The following NDC1 variants were observed in gnomAD, a reference collection of about 807,000 sequenced individuals.
NDC1 encodes the protein NDC1 transmembrane nucleoporin.
In NDC1, 24 loss-of-function variants were observed where a neutral mutation model predicts 89.8. The observed-to-expected ratio is 0.27, with a 90% CI of 0.19 to 0.38. The LOEUF (loss-of-function observed/expected upper bound fraction) is 0.38, where lower values mean the gene tolerates loss of function less well. NDC1 is among the 10% of genes least tolerant of loss of function. The probability of loss-of-function intolerance (pLI) is 1.00; values close to 1 mark genes in which losing one functional copy is unlikely to be tolerated. For synonymous variants in NDC1, 296 were observed against 284.8 expected, an observed-to-expected ratio of 1.04 and a Z score of -0.39; for missense variants, 728 against 797.6, an observed-to-expected ratio of 0.91 and a Z score of 1.05.
At chr1:53,776,932 T>C (rs1647168123) in intron 16 of NDC1, among the ~76,000 whole-genome samples, 2 of 152,198 alleles carry the variant, frequency 1.3e-5, no homozygotes, top group Non-Finnish European at 2.9e-5. Flanking sequence ...TGTTACAAGA[T>C]AGTGAAAATG....
At chr1:53,805,173 CT>C (rs1285384661) in intron 9 of NDC1, among the ~76,000 whole-genome samples, 1 of 152,000 alleles carries the variant, frequency 6.6e-6, no homozygotes, top group Admixed American at 6.6e-5. Context: ...GTTCTAACTA[CT>C]TTCTTTTAGC....
intron 2 of NDC1, among the ~76,000 whole-genome samples, chr1:53,833,384 C>G (rs1649129351): frequency 6.6e-6 from 1 of 152,108 alleles, no homozygotes; most frequent in Non-Finnish European, 1.5e-5. Context: ...AATTCACCCA[C>G]CTCGGCCTCC....
intron 17 of NDC1, chr1:53,771,015 G>A (rs1036207385): frequency 1.3e-5 from 2 of 152,478 alleles, no homozygotes; most frequent in Non-Finnish European, 2.9e-5. Flanking sequence ...TTTTCCCCCA[G>A]GGGAATGTTA....
At chr1:53,810,018 G>A (rs1648249599) in intron 6 of NDC1, among the ~76,000 whole-genome samples, 1 of 152,092 alleles carries the variant, frequency 6.6e-6, no homozygotes, top group Non-Finnish European at 1.5e-5. Flanking sequence ...TAGTTACTGT[G>A]GTATATTAAC....
intron 1 of NDC1, among the ~76,000 whole-genome samples, chr1:53,837,896 T>C (rs1434269541): frequency 6.6e-6 from 1 of 152,176 alleles, no homozygotes; most frequent in Non-Finnish European, 1.5e-5. Context: ...AGTTATTTAT[T>C]TTGCACCTAC....
At chr1:53,772,557 C>A in intron 16 of NDC1, 68 bp from the exon 17 acceptor site, 1 of 1,479,616 alleles carries the variant, frequency 6.8e-7, no homozygotes, top group East Asian at 2.3e-5. Context: ...GGTGCTGTGG[C>A]TCACATGTGT....
In NDC1 at chr1:53,838,292, A is replaced by T; in HGVS notation, c.-31T>A. 1 of 1,514,012 alleles carries T rather than the reference A, an allele frequency of 6.6e-7. No individual in the cohort carries two copies. 93.8% of individuals were successfully genotyped at this position (1,514,012 alleles called of 1,614,324 possible). A position where few individuals can be genotyped will look rare whatever the true frequency, so the allele number is the denominator to read the frequency against. ...TGGCGGCCCCTAGTCTAGGGCGTAC[A>T]GGAGACCGTGCGCCCGCCCGCCACC... On this transcript the variant is annotated 5_prime_UTR_variant, in exon 1 of 18. Transcript: ENST00000371429.
chr1:53,829,248 G>T (rs1648974539), intron 3 of NDC1, among the ~76,000 whole-genome samples: 3 of 152,136 alleles, frequency 2.0e-5, no homozygotes, highest in African/African-American at 7.2e-5. Flanking sequence ...AGTTTCAGGT[G>T]CTTTATACTT....
At chr1:53,817,228 T>A (rs955746669) in intron 6 of NDC1, among the ~76,000 whole-genome samples, 1 of 152,206 alleles carries the variant, frequency 6.6e-6, no homozygotes, top group Non-Finnish European at 1.5e-5. Flanking sequence ...AGCAAAATTG[T>A]GGAACCAACC....
intron 3 of NDC1, among the ~76,000 whole-genome samples, chr1:53,828,997 A>C (rs1484297288): frequency 6.6e-6 from 1 of 152,228 alleles, no homozygotes; most frequent in Non-Finnish European, 1.5e-5. Flanking sequence ...AAAGTAGGTA[A>C]ATACTGACAA....
At chr1:53,793,126 G>T in intron 14 of NDC1, 103 bp downstream of exon 14, 2 of 1,035,054 alleles carry the variant, frequency 1.9e-6, no homozygotes, top group Non-Finnish European at 3.0e-6. Context: ...AGCTTGCTAG[G>T]ATTAAGCTAT....
intron 7 of NDC1, among the ~76,000 whole-genome samples, chr1:53,808,774 T>C (rs1557581165): frequency 6.6e-6 from 1 of 152,234 alleles, no homozygotes; most frequent in Non-Finnish European, 1.5e-5. Context: ...AAATGACTCA[T>C]GCGTTTGGTT....
At chr1:53,815,493 A>C (rs1648446730) in intron 6 of NDC1, among the ~76,000 whole-genome samples, 1 of 152,266 alleles carries the variant, frequency 6.6e-6, no homozygotes, top group South Asian at 2.1e-4. Context: ...CACAGCCAAC[A>C]TAACACTGAA....
Position 53,772,212 on chromosome 1 carries a change from A to AATC in NDC1, c.1961+114_1961+116dup, listed in dbSNP as rs1177400686. 8.0e-6 allele frequency: 7 copies of AATC among 873,522 alleles called. No homozygotes were observed. The South Asian group carries it at 8.5e-5, about 11-fold the overall frequency. The allele number at this position is 873,522 out of a possible 1,614,324, so 54.1% of individuals were successfully genotyped here. ...ATCCAAGCTGTAAGTTTACAGTGAG[A>AATC]ATCATCAAGGTCCCAAAAGAACACT... is the stretch of plus-strand genomic sequence containing the variant. On this transcript the variant is annotated intron_variant, in intron 17 of 17. Transcript: ENST00000371429.
intron 2 of NDC1, among the ~76,000 whole-genome samples, chr1:53,834,019 G>C (rs1418639391): frequency 6.6e-6 from 1 of 151,974 alleles, no homozygotes. Flanking sequence ...CTGAGCTCAG[G>C]CAATCCGCCC....
In NDC1 at chr1:53,806,512, A is replaced by G. The variant is rs772273621; in HGVS notation, c.897T>C (p.His299=). 11 of 1,485,314 alleles carry G rather than the reference A, an allele frequency of 7.4e-6. No homozygotes were observed. In the South Asian group the frequency reaches 1.5e-4, roughly 20 times the overall value. The allele number at this position is 1,485,314 out of a possible 1,614,324, so 92.0% of individuals were successfully genotyped here. Residue 299 remains histidine (H), a synonymous_variant, in exon 9 of 18, where the codon CAT becomes CAC. Coordinates refer to ENST00000371429, the MANE Select transcript of NDC1 (RefSeq NM_018087.5). ...ILFKIYATEA[H]VFPVQPPFAE... ...CAAATGGTGGTTGAACAGGAAACAC[A>G]TGAGCCTATCAAATAAATTAAAAAC...
intron 4 of NDC1, among the ~76,000 whole-genome samples, chr1:53,827,182 A>G (rs1336404432): frequency 6.6e-6 from 1 of 152,140 alleles, no homozygotes; most frequent in Non-Finnish European, 1.5e-5. Context: ...CAAAAAGAAA[A>G]TCAAGTATTC....
chr1:53,835,660 T>TA (rs1476944325), intron 1 of NDC1, 40 bp from the exon 2 acceptor site: 1 of 1,570,898 alleles, frequency 6.4e-7, no homozygotes, highest in Non-Finnish European at 8.6e-7. Context: ...TGAAGTCAGT[T>TA]AAATTATTTC....
intron 8 of NDC1, 52 bp downstream of exon 8, chr1:53,807,604 T>C: frequency 2.0e-6 from 3 of 1,502,572 alleles, no homozygotes; most frequent in African/African-American, 1.4e-5. Flanking sequence ...AAAAATCAAC[T>C]GTGCACTCCA....
Sources: allele counts gnomAD v4.1 joint callset (sites outside exome capture counted in the v4.1 genomes callset), GRCh38; gene constraint gnomAD v4.1.1; transcripts MANE v1.5; gene names NCBI Gene and HGNC (gene_info 2026-07-23, HGNC 2026-07-21).